Variants in GRIP1 observed in about 807,000 individuals in gnomAD.
GRIP1 encodes glutamate receptor interacting protein 1.
Under a neutral mutation model 129.9 loss-of-function variants are expected in GRIP1, and 45 were observed. That is an observed-to-expected ratio of 0.35 (90% CI 0.27 to 0.44). The LOEUF (loss-of-function observed/expected upper bound fraction) is 0.44, where lower values mean the gene tolerates loss of function less well. Ranked by LOEUF, GRIP1 falls within the 20% of genes least tolerant of loss-of-function variation. The probability of loss-of-function intolerance (pLI) is 1.00; values close to 1 mark genes in which losing one functional copy is unlikely to be tolerated. For missense variants in GRIP1, 1,196 were observed against 1,396.8 expected (o/e 0.86, Z 2.29); for synonymous variants, 530 against 520.8 (o/e 1.02, Z -0.24).
intron 1 of GRIP1, among the ~76,000 whole-genome samples, chr12:66,702,886 CTTG>C (rs2035398707): frequency 6.6e-6 from 1 of 152,124 alleles, no homozygotes; most frequent in South Asian, 2.1e-4. Context: ...TTAGACAATA[CTTG>C]TTAATTTTAA....
At chr12:66,875,009 G>T (rs1344610183) in intron 1 of GRIP1, among the ~76,000 whole-genome samples, 1 of 151,934 alleles carries the variant, frequency 6.6e-6, no homozygotes, top group Non-Finnish European at 1.5e-5. Flanking sequence ...CATCAGAATT[G>T]GTAGTAAGAC....
intron 7 of GRIP1, among the ~76,000 whole-genome samples, chr12:66,479,748 T>G (rs1010113198): frequency 6.6e-6 from 1 of 152,220 alleles, no homozygotes; most frequent in Admixed American, 6.5e-5. Flanking sequence ...ATCCCTGGAA[T>G]GCAAGGCTGG....
At chr12:66,887,859 T>A (rs1003998621) in intron 1 of GRIP1, among the ~76,000 whole-genome samples, 3 of 151,984 alleles carry the variant, frequency 2.0e-5, no homozygotes, top group Non-Finnish European at 4.4e-5. Flanking sequence ...GAGAAAAAAA[T>A]GCTACTGTAG....
intron 16 of GRIP1, among the ~76,000 whole-genome samples, chr12:66,397,193 T>A (rs943621107): frequency 2.7e-5 from 4 of 147,684 alleles, no homozygotes; most frequent in African/African-American, 5.1e-5. Context: ...TCATTTGGGA[T>A]TCTAATAAAA....
At chr12:66,563,033 C>T (rs1248998472) in intron 2 of GRIP1, among the ~76,000 whole-genome samples, 1 of 151,484 alleles carries the variant, frequency 6.6e-6, no homozygotes, top group Non-Finnish European at 1.5e-5. Flanking sequence ...GTTGGACTTG[C>T]TATCTCGGGG....
chr12:66,535,795 A>C (rs1484227914), intron 4 of GRIP1, among the ~76,000 whole-genome samples: 1 of 152,218 alleles, frequency 6.6e-6, no homozygotes, highest in Admixed American at 6.5e-5. Flanking sequence ...TTTCCTGAGT[A>C]CTGGAATCTG....
chr12:66,442,330 A>T (rs2138076153), intron 13 of GRIP1, among the ~76,000 whole-genome samples: 1 of 152,042 alleles, frequency 6.6e-6, no homozygotes, highest in East Asian at 1.9e-4. Flanking sequence ...TAGGGTCTTT[A>T]CATTGCCTAC....
At chr12:66,640,261 T>G (rs146978212) in intron 1 of GRIP1, among the ~76,000 whole-genome samples, 1 of 152,362 alleles carries the variant, frequency 6.6e-6, no homozygotes, top group African/African-American at 2.4e-5. Context: ...TTATTCAGAA[T>G]AGATACCAGG....
chr12:66,554,372 C>T (rs1028276446), intron 2 of GRIP1, among the ~76,000 whole-genome samples: 1 of 152,174 alleles, frequency 6.6e-6, no homozygotes, highest in Non-Finnish European at 1.5e-5. Flanking sequence ...GCTCTTGGCC[C>T]TGAATAGTCA....
chr12:67,060,459 G>A (rs1357388044), intron 1 of GRIP1, among the ~76,000 whole-genome samples: 2 of 152,072 alleles, frequency 1.3e-5, no homozygotes, highest in African/African-American at 4.8e-5. Context: ...GTGGTTGTAC[G>A]AGAGCTATAA....
At chr12:66,463,669 T>C (rs1336037715) in intron 8 of GRIP1, among the ~76,000 whole-genome samples, 2 of 152,090 alleles carry the variant, frequency 1.3e-5, no homozygotes, top group Non-Finnish European at 2.9e-5. Context: ...CTCTTGATAA[T>C]GGTAGAAATT....
At chr12:66,372,290 C>T in intron 22 of GRIP1, 1 of 350,300 alleles carries the variant, frequency 2.9e-6, no homozygotes, top group South Asian at 2.6e-5. Context: ...ATTCATGAGG[C>T]CACCTTGAAT....
At chr12:66,924,716 C>G (rs1271952833) in intron 1 of GRIP1, among the ~76,000 whole-genome samples, 1 of 152,078 alleles carries the variant, frequency 6.6e-6, no homozygotes, top group Non-Finnish European at 1.5e-5. Flanking sequence ...GCCTGTAATC[C>G]CAGCACTTTG....
In GRIP1 at chr12:66,444,007, GAAGA is replaced by G. The variant is rs1304942961; in HGVS notation, c.1687+573_1687+576del. Reference sequence around the variant, plus strand: ...AAGAATATGGTTTCTCTAGTATACAGAAGAAAGAAAGAATGAAGGCCACATGATT... The same window carrying G: ...AAGAATATGGTTTCTCTAGTATACAGAAGAAAGAATGAAGGCCACATGATT... On this transcript the variant is annotated intron_variant, in intron 13 of 24. Transcript: ENST00000359742. Among the ~76,000 whole-genome samples the G allele has an allele frequency of 7.2e-5, 11 of 152,284 alleles. No individual in the cohort carries two copies. In the South Asian group the frequency reaches 1.2e-3, roughly 17 times the overall value.
At chr12:66,450,076 G>A (rs1241077294) in intron 11 of GRIP1, among the ~76,000 whole-genome samples, 2 of 151,690 alleles carry the variant, frequency 1.3e-5, no homozygotes, top group Non-Finnish European at 1.5e-5. Flanking sequence ...CGAGTCGGGC[G>A]GATCACGAGG....
At position 66,416,281 on chromosome 12, in the gene GRIP1, G is replaced by A. The variant is rs113198661; in HGVS notation, c.1838+4439C>T. ...AGCAGCACTAAGCAGGAAATTTTTA[G>A]CTATAAGTGCCTACATCAAAAAAGA... On this transcript the variant is annotated intron_variant, in intron 15 of 24. Transcript: ENST00000359742. Among the ~76,000 whole-genome samples, 19 of 152,152 alleles carry A rather than the reference G, an allele frequency of 1.2e-4. 1 individual carries two copies. The highest frequency in any genetic ancestry group is 4.3e-4 in the African/African-American group (18 of 41,524).
chr12:67,015,623 C>T (rs1011685435), intron 1 of GRIP1, among the ~76,000 whole-genome samples: 3 of 152,186 alleles, frequency 2.0e-5, no homozygotes, highest in South Asian at 2.1e-4. Context: ...AGGAATGATT[C>T]GAATAGAGCA....
chr12:66,707,066 T>A (rs561951943), intron 1 of GRIP1, among the ~76,000 whole-genome samples: 37 of 152,064 alleles, frequency 2.4e-4, no homozygotes, highest in African/African-American at 7.0e-4. Context: ...TTAAGATTTT[T>A]AAAAAATGTT....
chr12:66,851,057 T>C (rs1389165874), intron 1 of GRIP1, among the ~76,000 whole-genome samples: 1 of 151,180 alleles, frequency 6.6e-6, no homozygotes, highest in Non-Finnish European at 1.5e-5. Flanking sequence ...ACTCAGCAAA[T>C]AGTAGGCGCT....
Sources: allele counts gnomAD v4.1 joint callset (sites outside exome capture counted in the v4.1 genomes callset), GRCh38; gene constraint gnomAD v4.1.1; transcripts MANE v1.5; gene names NCBI Gene and HGNC (gene_info 2026-07-23, HGNC 2026-07-21).